Variants in AKR1E2 observed in about 807,000 individuals in gnomAD.
AKR1E2 encodes the protein aldo-keto reductase family 1 member E2.
A neutral mutation model predicts 41.9 loss-of-function variants in AKR1E2; 43 were observed. The observed-to-expected ratio is 1.03, with a 90% CI of 0.80 to 1.32. The LOEUF (loss-of-function observed/expected upper bound fraction) is 1.32. AKR1E2 is among the 40% of genes most tolerant of loss of function. AKR1E2 has a pLI of 0.00. For synonymous variants in AKR1E2, 121 were observed against 138.9 expected, an observed-to-expected ratio of 0.87 and a Z score of 0.91; for missense variants, 423 against 396.5, an observed-to-expected ratio of 1.07 and a Z score of -0.57.
chr10:4,834,029 G>T (rs547511088), intron 3 of AKR1E2, among the ~76,000 whole-genome samples: 2 of 152,192 alleles, frequency 1.3e-5, no homozygotes, highest in East Asian at 3.8e-4. Context: ...CAGTCTGGCC[G>T]TGCAACTTCC....
At position 4,827,696 on chromosome 10, in the gene AKR1E2, G is replaced by A. The variant is rs181702447; in HGVS notation, c.39+1333G>A. ...GAAGGAGTCAGAATGTTCAAGGCCT[G>A]CTCATGAAAATATTATTTAAATTAT... On this transcript the variant is annotated intron_variant, in intron 1 of 9. Coordinates refer to ENST00000298375, the MANE Select transcript of AKR1E2 (RefSeq NM_001040177.3). Among the ~76,000 whole-genome samples the A allele has an allele frequency of 3.1e-4, 47 of 152,254 alleles. No homozygotes were observed. In the East Asian group the frequency reaches 8.3e-3, roughly 27 times the overall value.
At chr10:4,833,034 G>T (rs1294472846) in intron 2 of AKR1E2, among the ~76,000 whole-genome samples, 1 of 152,202 alleles carries the variant, frequency 6.6e-6, no homozygotes, top group African/African-American at 2.4e-5. Flanking sequence ...TTTTCTGCCT[G>T]CAGGAATTTC....
the AKR1E2 span, among the ~76,000 whole-genome samples, chr10:4,864,766 G>A: frequency 1.3e-5 from 2 of 152,126 alleles, no homozygotes; most frequent in Non-Finnish European, 2.9e-5. Context: ...CAAAGTCTCA[G>A]GATACAAAAT....
the AKR1E2 span, among the ~76,000 whole-genome samples, chr10:4,868,235 G>A: frequency 6.6e-6 from 1 of 152,114 alleles, no homozygotes; most frequent in Non-Finnish European, 1.5e-5. Context: ...CTGGTTCTGA[G>A]CTGATCCTGA....
In AKR1E2 at chr10:4,839,751, C is replaced by T. The variant is rs755005741; in HGVS notation, c.605C>T (p.Thr202Ile). The T allele has an allele frequency of 5.0e-6, 8 of 1,613,940 alleles. 1 individual carries two copies. Among genetic ancestry groups the T allele is most frequent in the African/African-American group, 4.0e-5 (3 of 74,924 alleles). ...TAGATTGAGTGCCACCCATATCTTA[C>T]TCAGAAGAATCTGATCAGTTTTTGC... ...TNQIECHPYL[T>I]QKNLISFCQS... is the part of the protein sequence containing the mutation. Residue 202 changes from threonine to isoleucine, a missense_variant, in exon 6 of 10, where the codon ACT becomes ATT. By Grantham distance (89) the Thr-to-Ile change is moderately conservative (BLOSUM62 -1). Coordinates refer to ENST00000298375, the MANE Select transcript of AKR1E2 (RefSeq NM_001040177.3).
chr10:4,858,344 C>T, the AKR1E2 span, among the ~76,000 whole-genome samples: 1 of 152,146 alleles, frequency 6.6e-6, no homozygotes, highest in African/African-American at 2.4e-5. Flanking sequence ...TAGACCCACT[C>T]ATTTATTTCT....
chr10:4,849,011 C>T (rs1291220615), downstream of AKR1E2, among the ~76,000 whole-genome samples: 3 of 152,232 alleles, frequency 2.0e-5, no homozygotes, highest in Non-Finnish European at 4.4e-5. Context: ...CCTGCCCAGC[C>T]TTCCAGATGT....
chr10:4,844,099 C>G (rs371968270), intron 8 of AKR1E2, among the ~76,000 whole-genome samples: 25 of 152,280 alleles, frequency 1.6e-4, no homozygotes, highest in African/African-American at 6.0e-4. Context: ...GCCGCGGACC[C>G]TTGCGGTGAG....
At chr10:4,845,841 G>A (rs1259123085) in intron 8 of AKR1E2, 1 of 470,790 alleles carries the variant, frequency 2.1e-6, no homozygotes, top group East Asian at 6.9e-5. Flanking sequence ...GCTGACGTGA[G>A]ACCTGAGGGC....
At chr10:4,853,957 A>T in the AKR1E2 span, among the ~76,000 whole-genome samples, 2 of 152,218 alleles carry the variant, frequency 1.3e-5, no homozygotes, top group African/African-American at 4.8e-5. Flanking sequence ...TATAGGGTCT[A>T]AAAAGGGGAG....
At chr10:4,844,475 C>T (rs1001531731) in intron 8 of AKR1E2, among the ~76,000 whole-genome samples, 2 of 152,156 alleles carry the variant, frequency 1.3e-5, no homozygotes, top group African/African-American at 4.8e-5. Context: ...GCTTGGGCAG[C>T]CTGCTTTTAT....
Position 4,847,163 on chromosome 10 carries a change from T to A in AKR1E2, c.853T>A (p.Leu285Ile), listed in dbSNP as rs1487434664. ...TTGGTTCCAGGTGTTTGATTTTGAATTAACACAGCACGATATGGATAACAT... is the reference window on the plus strand; with the variant it reads ...TTGGTTCCAGGTGTTTGATTTTGAAATAACACAGCACGATATGGATAACAT... ...KENIQVFDFELTQHDMDNILS... is the reference protein window; with the variant it reads ...KENIQVFDFEITQHDMDNILS... The change falls in exon 9 of 10, where the codon TTA becomes ATA. Residue 285 changes from leucine to isoleucine, a missense_variant. Transcript: ENST00000298375. 1 of 1,613,904 alleles carries A rather than the reference T, an allele frequency of 6.2e-7. No individual in the cohort carries two copies.
chr10:4,829,041 GCTT>G (rs1832765144), intron 1 of AKR1E2, among the ~76,000 whole-genome samples: 1 of 152,066 alleles, frequency 6.6e-6, no homozygotes, highest in African/African-American at 2.4e-5. Context: ...GCTTAAAATT[GCTT>G]CTTCTTAGTT....
chr10:4,859,365 A>G, the AKR1E2 span, among the ~76,000 whole-genome samples: 2 of 152,350 alleles, frequency 1.3e-5, no homozygotes, highest in African/African-American at 4.8e-5. Context: ...TACATTCGGT[A>G]CCAGAGGCCA....
Position 4,833,410 on chromosome 10 carries a change from G to A in AKR1E2, c.268G>A (p.Ala90Thr). 1 of 1,614,158 alleles carries A rather than the reference G, an allele frequency of 6.2e-7. No homozygotes were observed. The highest frequency in any genetic ancestry group is 1.1e-5 in the South Asian group (1 of 91,074). Reference protein sequence around the residue: ...VETACRKSLKALKLNYLDLYL... With the variant: ...VETACRKSLKTLKLNYLDLYL... Reference sequence around the variant, plus strand: ...AACAGCATGCAGAAAGAGTCTCAAGGCCTTGAAGCTGAACTATTTGGACCT... The same window carrying A: ...AACAGCATGCAGAAAGAGTCTCAAGACCTTGAAGCTGAACTATTTGGACCT... Residue 90 changes from alanine to threonine, a missense_variant, in exon 3 of 10, where the codon GCC becomes ACC. Transcript: ENST00000298375.
In AKR1E2 at chr10:4,830,848, G is replaced by A. The variant is rs751819108; in HGVS notation, c.207+6G>A. The A allele has an allele frequency of 4.3e-6, 7 of 1,613,946 alleles. No homozygotes were observed. Among genetic ancestry groups the A allele is most frequent in the Middle Eastern group, 1.7e-4 (1 of 6,056 alleles). On this transcript the variant is annotated splice_donor_region_variant and intron_variant, in intron 2 of 9. Transcript: ENST00000298375. Reference sequence around the variant, plus strand: ...ATCTGTTCATTGCCACTAAGGTAGGGCTTCTCTATGCAAGGCTGGCAGAGC... The same window carrying A: ...ATCTGTTCATTGCCACTAAGGTAGGACTTCTCTATGCAAGGCTGGCAGAGC...
the AKR1E2 span, among the ~76,000 whole-genome samples, chr10:4,868,208 A>T: frequency 6.6e-6 from 1 of 152,062 alleles, no homozygotes; most frequent in Admixed American, 6.6e-5. Context: ...CTTTTTTCCC[A>T]CAGAGAGAAG....
rs1274968260 is a variant in AKR1E2, at chr10:4,839,266, T to A, written c.583-463T>A. Among the ~76,000 whole-genome samples the A allele has an allele frequency of 2.0e-5, 3 of 152,336 alleles. No homozygotes were observed. In the East Asian group the frequency reaches 5.8e-4, roughly 29 times the overall value. ...TCCTACATGTCTAGATTGTTCTTAG[T>A]GTTGGTGAGACATCTATGAACAAAA... On this transcript the variant is annotated intron_variant, in intron 5 of 9. Coordinates refer to ENST00000298375, the MANE Select transcript of AKR1E2 (RefSeq NM_001040177.3).
the AKR1E2 span, among the ~76,000 whole-genome samples, chr10:4,863,232 TA>T: frequency 6.6e-6 from 1 of 152,092 alleles, no homozygotes; most frequent in African/African-American, 2.4e-5. Flanking sequence ...TCAGCAAATG[TA>T]AAAGAACAGA....
Sources: allele counts gnomAD v4.1 joint callset (sites outside exome capture counted in the v4.1 genomes callset), GRCh38; gene constraint gnomAD v4.1.1; transcripts MANE v1.5; gene names NCBI Gene and HGNC (gene_info 2026-07-23, HGNC 2026-07-21).